Variants in GRIA2 observed in about 807,000 individuals in gnomAD.
GRIA2 encodes glutamate receptor 2.
A neutral mutation model predicts 97.3 loss-of-function variants in GRIA2; 14 were observed. The ratio of observed to expected loss-of-function variants is 0.14; its 90% confidence interval spans 0.10 to 0.23. GRIA2 has a LOEUF of 0.23. Among genes scored for constraint, GRIA2 ranks in the 10% least tolerant of loss-of-function variants. The probability of loss-of-function intolerance (pLI) is 1.00; values close to 1 mark genes in which losing one functional copy is unlikely to be tolerated. For missense variants in GRIA2, 558 were observed against 1,069.8 expected (o/e 0.52, Z 6.67); for synonymous variants, 412 against 387.8 (o/e 1.06, Z -0.73).
intron 2 of GRIA2, among the ~76,000 whole-genome samples, chr4:157,293,637 A>T (rs2126841621): frequency 6.6e-6 from 1 of 152,242 alleles, no homozygotes; most frequent in Admixed American, 6.5e-5. Context: ...GTGCTATAAT[A>T]TACTCCTGCT....
chr4:157,285,475 T>C (rs1732796398), intron 2 of GRIA2, among the ~76,000 whole-genome samples: 1 of 151,624 alleles, frequency 6.6e-6, no homozygotes, highest in Non-Finnish European at 1.5e-5. Flanking sequence ...CTATATTTAA[T>C]TTACAATGAC....
intron 13 of GRIA2, among the ~76,000 whole-genome samples, chr4:157,360,460 C>G (rs754782075): frequency 4.6e-5 from 7 of 151,076 alleles, no homozygotes; most frequent in African/African-American, 1.5e-4. Context: ...TTCCACATTT[C>G]TAACTACCTT....
chr4:157,235,135 T>C (rs1442810999), intron 2 of GRIA2, among the ~76,000 whole-genome samples: 1 of 152,120 alleles, frequency 6.6e-6, no homozygotes, highest in African/African-American at 2.4e-5. Flanking sequence ...GACTTTGGAT[T>C]TGGGCTGGAA....
intron 2 of GRIA2, among the ~76,000 whole-genome samples, chr4:157,292,861 C>A (rs921279795): frequency 6.6e-6 from 1 of 152,020 alleles, no homozygotes; most frequent in Non-Finnish European, 1.5e-5. Context: ...AACTTGCTTC[C>A]AAGTTTTTTA....
At chr4:157,311,878 C>A (rs1282354425) in intron 3 of GRIA2, among the ~76,000 whole-genome samples, 1 of 151,832 alleles carries the variant, frequency 6.6e-6, no homozygotes. Flanking sequence ...GAAATAAATC[C>A]TCTAGTTGTT....
At chr4:157,313,137 G>A (rs1734159172) in intron 4 of GRIA2, among the ~76,000 whole-genome samples, 1 of 152,012 alleles carries the variant, frequency 6.6e-6, no homozygotes, top group Non-Finnish European at 1.5e-5. Context: ...TATGATAAAT[G>A]TTACCCTAAA....
intron 2 of GRIA2, among the ~76,000 whole-genome samples, chr4:157,276,445 A>C (rs1283523132): frequency 6.6e-6 from 1 of 151,988 alleles, no homozygotes; most frequent in Non-Finnish European, 1.5e-5. Context: ...AAGTAAAATC[A>C]ATACTCCAAA....
chr4:157,233,309 A>G (rs567225515), intron 2 of GRIA2, among the ~76,000 whole-genome samples: 2 of 152,266 alleles, frequency 1.3e-5, no homozygotes, highest in Non-Finnish European at 2.9e-5. Context: ...CCTTTATTGC[A>G]TGTCACTTAC....
At chr4:157,266,829 T>G (rs1334207348) in intron 2 of GRIA2, among the ~76,000 whole-genome samples, 1 of 151,796 alleles carries the variant, frequency 6.6e-6, no homozygotes, top group Non-Finnish European at 1.5e-5. Flanking sequence ...AACTTTGAAG[T>G]TGGCGGATTG....
intron 4 of GRIA2, among the ~76,000 whole-genome samples, chr4:157,314,720 G>A (rs1464796044): frequency 6.6e-6 from 1 of 152,142 alleles, no homozygotes; most frequent in East Asian, 1.9e-4. Flanking sequence ...TATATTGTAA[G>A]TGATGTTTTG....
rs759660118 is a variant in GRIA2, at chr4:157,341,277, C to T, written c.1858C>T (p.Arg620Cys). The change falls in exon 12 of 16, where the codon CGC becomes TGC. Residue 620 changes from arginine (R) to cysteine (C), a missense_variant. Arg to Cys is a radical substitution (Grantham distance 180). Around this residue, in one of 8 missense-constraint regions of GRIA2, gnomAD observed 125 missense variants for 310.2 expected, o/e 0.40. Transcript: ENST00000264426. Reference protein sequence around the residue: ...CDISPRSLSGRIVGGVWWFFT... With the variant: ...CDISPRSLSGCIVGGVWWFFT... ...ACTTGTTATTAGATCCCTCTCTGGG[C>T]GCATTGTTGGAGGTGTGTGGTGGTT... 4 of 1,610,076 alleles carry T rather than the reference C, an allele frequency of 2.5e-6. No homozygotes were observed. Among genetic ancestry groups the T allele is most frequent in the Admixed American group, 1.7e-5 (1 of 59,894 alleles).
At chr4:157,343,194 T>C (rs1735621552) in intron 12 of GRIA2, among the ~76,000 whole-genome samples, 1 of 152,058 alleles carries the variant, frequency 6.6e-6, no homozygotes, top group Non-Finnish European at 1.5e-5. Context: ...AGAGAAGTGA[T>C]GTTGGATAGT....
At chr4:157,330,648 A>G (rs1735010516) in intron 6 of GRIA2, among the ~76,000 whole-genome samples, 1 of 152,006 alleles carries the variant, frequency 6.6e-6, no homozygotes. Context: ...AAACATGTCT[A>G]AAATGCATAT....
At chr4:157,319,089 C>A (rs1218288263) in intron 5 of GRIA2, among the ~76,000 whole-genome samples, 1 of 152,158 alleles carries the variant, frequency 6.6e-6, no homozygotes, top group Non-Finnish European at 1.5e-5. Context: ...TATAAAAATT[C>A]TCTAGGACTT....
chr4:157,311,947 T>G (rs144227387), intron 3 of GRIA2, among the ~76,000 whole-genome samples: 379 of 152,084 alleles, frequency 2.5e-3, no homozygotes, highest in Middle Eastern at 6.8e-3. Context: ...CAATAAAAAT[T>G]TTCCAAGTGA....
chr4:157,254,910 A>G (rs1378259866), intron 2 of GRIA2, among the ~76,000 whole-genome samples: 1 of 152,080 alleles, frequency 6.6e-6, no homozygotes, highest in African/African-American at 2.4e-5. Context: ...TGTAGTTATG[A>G]AAATATAGTG....
At chr4:157,336,926 C>A (rs1735312475) in intron 11 of GRIA2, among the ~76,000 whole-genome samples, 179 bp downstream of exon 11, 1 of 152,054 alleles carries the variant, frequency 6.6e-6, no homozygotes, top group Non-Finnish European at 1.5e-5. Context: ...GAACAATGTT[C>A]TTTGAATGTT....
At chr4:157,221,476 C>A in intron 1 of GRIA2, 191 bp from the exon 2 acceptor site, 3 of 592,478 alleles carry the variant, frequency 5.1e-6, no homozygotes, top group Admixed American at 3.2e-5. Context: ...CGCCTTCAGA[C>A]TCTCATCTGG....
At chr4:157,234,987 T>A (rs1006074802) in intron 2 of GRIA2, among the ~76,000 whole-genome samples, 1 of 152,098 alleles carries the variant, frequency 6.6e-6, no homozygotes, top group African/African-American at 2.4e-5. Flanking sequence ...TATTCTGAAT[T>A]GACTCTTATT....
Sources: allele counts gnomAD v4.1 joint callset (sites outside exome capture counted in the v4.1 genomes callset), GRCh38; gene constraint gnomAD v4.1.1; regional missense constraint gnomAD v4.1.1; transcripts MANE v1.5; gene names NCBI Gene and HGNC (gene_info 2026-07-23, HGNC 2026-07-21).